HS6ST2: variants seen among roughly 807,000 people sequenced by gnomAD.
HS6ST2 encodes heparan-sulfate 6-O-sulfotransferase 2.
A neutral mutation model predicts 33.0 loss-of-function variants in HS6ST2; 17 were observed. The ratio of observed to expected loss-of-function variants is 0.52; its 90% CI spans 0.35 to 0.77. The LOEUF (loss-of-function observed/expected upper bound fraction) is 0.77. Ranked by LOEUF, HS6ST2 falls within the 30% of genes least tolerant of loss-of-function variation. The pLI, the probability that HS6ST2 is intolerant of heterozygous loss-of-function variation, is 0.01. For synonymous variants in HS6ST2, 248 were observed against 237.1 expected (o/e 1.05, Z -0.42); for missense variants, 519 against 551.7 (o/e 0.94, Z 0.59).
chrX:132,727,602 G>A (rs1785328715), intron 2 of HS6ST2, among the ~76,000 whole-genome samples: 1 of 111,032 alleles, frequency 9.0e-6, no homozygotes, highest in Non-Finnish European at 1.9e-5. Context: ...CACGGATTCA[G>A]GTGTTTTGTT....
intron 3 of HS6ST2, among the ~76,000 whole-genome samples, chrX:132,680,681 G>A (rs1279423726): frequency 9.0e-6 from 1 of 111,090 alleles, no homozygotes; most frequent in African/African-American, 3.3e-5. Context: ...CTGGGGGCAT[G>A]AGTATTCCCA....
chrX:132,860,325 T>C (rs1202154395), intron 2 of HS6ST2, among the ~76,000 whole-genome samples: 1 of 112,312 alleles, frequency 8.9e-6, no homozygotes, highest in Non-Finnish European at 1.9e-5. Context: ...TGGTATTTCA[T>C]GTTCATAAAA....
chrX:132,648,692 C>A (rs1003811805), intron 4 of HS6ST2, among the ~76,000 whole-genome samples: 24 of 111,391 alleles, frequency 2.2e-4, no homozygotes, highest in Non-Finnish European at 4.1e-4. Context: ...TTAACAATTC[C>A]AAAACGGGGT....
intron 2 of HS6ST2, among the ~76,000 whole-genome samples, chrX:132,820,478 G>A (rs1003406625): frequency 4.5e-5 from 5 of 111,393 alleles, no homozygotes; most frequent in Admixed American, 3.8e-4. Context: ...GCCAGAGAAA[G>A]GAAGAATGGA....
At chrX:132,729,654 C>T (rs1280602635) in intron 2 of HS6ST2, among the ~76,000 whole-genome samples, 1 of 111,573 alleles carries the variant, frequency 9.0e-6, no homozygotes, top group Non-Finnish European at 1.9e-5. Context: ...AAAACAATGC[C>T]ACTCAGTTAT....
chrX:132,944,286 T>C (rs2066919477), intron 2 of HS6ST2, among the ~76,000 whole-genome samples: 1 of 111,101 alleles, frequency 9.0e-6, no homozygotes, highest in Non-Finnish European at 1.9e-5. Flanking sequence ...TACCTAGGAA[T>C]CCAACTTACA....
At chrX:132,911,432 A>G (rs1001466146) in intron 2 of HS6ST2, among the ~76,000 whole-genome samples, 1 of 111,059 alleles carries the variant, frequency 9.0e-6, no homozygotes, top group Non-Finnish European at 1.9e-5. Flanking sequence ...TCTGTCAAAG[A>G]ATTACCTCTA....
At chrX:132,658,240 T>C (rs985375775) in intron 4 of HS6ST2, among the ~76,000 whole-genome samples, 2 of 111,579 alleles carry the variant, frequency 1.8e-5, no homozygotes, top group African/African-American at 3.3e-5. Flanking sequence ...TCTAAGCTAC[T>C]GATGAACTCT....
intron 2 of HS6ST2, among the ~76,000 whole-genome samples, chrX:132,764,158 A>G (rs1391125667): frequency 8.9e-6 from 1 of 112,002 alleles, no homozygotes; most frequent in African/African-American, 3.2e-5. Context: ...TATTTCTGGG[A>G]GACTCTCCCA....
At chrX:132,844,413 T>C (rs1237608520) in intron 2 of HS6ST2, among the ~76,000 whole-genome samples, 1 of 111,727 alleles carries the variant, frequency 9.0e-6, no homozygotes, top group Non-Finnish European at 1.9e-5. Flanking sequence ...TTTCTGATCT[T>C]ACAGGGTATT....
intron 2 of HS6ST2, among the ~76,000 whole-genome samples, chrX:132,925,877 G>A: frequency 9.0e-6 from 1 of 111,315 alleles, no homozygotes; most frequent in African/African-American, 3.3e-5. Context: ...ACAGTATTTG[G>A]GCCTCAAAAC....
intron 2 of HS6ST2, among the ~76,000 whole-genome samples, chrX:132,874,572 C>A (rs1234680681): frequency 9.0e-6 from 1 of 111,398 alleles, no homozygotes; most frequent in Non-Finnish European, 1.9e-5. Context: ...AAGACTCAGT[C>A]TAAAAACATA....
At chrX:132,903,246 T>A (rs1165055212) in intron 2 of HS6ST2, among the ~76,000 whole-genome samples, 1 of 111,471 alleles carries the variant, frequency 9.0e-6, no homozygotes, top group Non-Finnish European at 1.9e-5. Flanking sequence ...AAAATAAGCC[T>A]AAAATTTATA....
At position 132,956,919 on chromosome X, in the gene HS6ST2, G is replaced by C; in HGVS notation, c.836C>G (p.Ser279Cys). 2 of 1,201,492 alleles carry C rather than the reference G, an allele frequency of 1.7e-6. No homozygotes were observed. The highest frequency in any genetic ancestry group is 2.2e-6 in the Non-Finnish European group (2 of 890,321). Residue 279 changes from serine to cysteine, a missense_variant, in exon 2 of 5, where the codon TCC becomes TGC. Physicochemically the swap from Ser to Cys is moderately radical, Grantham distance 112. Transcript: ENST00000370833. The part of the protein sequence containing the change: ...RPGKRETWLF[S>C]RFSTGWSCGL... Reference sequence around the variant, plus strand: ...GCAGCTCCAGCCCGTGGAGAACCTGGAGAAGAGCCAGGTTTCCCGCTTACC... The same window carrying C: ...GCAGCTCCAGCCCGTGGAGAACCTGCAGAAGAGCCAGGTTTCCCGCTTACC...
intron 2 of HS6ST2, among the ~76,000 whole-genome samples, chrX:132,926,246 C>T (rs939307246): frequency 6.2e-5 from 7 of 112,340 alleles, no homozygotes; most frequent in East Asian, 2.8e-4. Context: ...TACTTTTTTC[C>T]GGTGTACACA....
At chrX:132,831,658 T>G (rs756671086) in intron 2 of HS6ST2, among the ~76,000 whole-genome samples, 2 of 111,918 alleles carry the variant, frequency 1.8e-5, no homozygotes, top group South Asian at 7.6e-4. Context: ...AACACTTCGG[T>G]CCTTTTCCAG....
At chrX:132,848,436 G>C in intron 2 of HS6ST2, among the ~76,000 whole-genome samples, 1 of 112,222 alleles carries the variant, frequency 8.9e-6, no homozygotes, top group East Asian at 2.8e-4. Flanking sequence ...CATCCTTTTT[G>C]TTCAAAGGAG....
chrX:132,787,006 C>T (rs1045586226), intron 2 of HS6ST2, among the ~76,000 whole-genome samples: 67 of 105,222 alleles, frequency 6.4e-4, no homozygotes, highest in Middle Eastern at 4.8e-3. Flanking sequence ...CCAGCCTAAC[C>T]CCTCTTAGCT....
At chrX:132,738,888 A>G (rs1345941933) in intron 2 of HS6ST2, among the ~76,000 whole-genome samples, 1 of 111,879 alleles carries the variant, frequency 8.9e-6, no homozygotes, top group Non-Finnish European at 1.9e-5. Flanking sequence ...CATAAACTCA[A>G]TAAAAGGAGA....
Sources: allele counts gnomAD v4.1 joint callset (sites outside exome capture counted in the v4.1 genomes callset), GRCh38; gene constraint gnomAD v4.1.1; transcripts MANE v1.5; gene names NCBI Gene and HGNC (gene_info 2026-07-23, HGNC 2026-07-21).